STOX1: variants seen among roughly 807,000 people sequenced by gnomAD.
The protein encoded by STOX1 is storkhead box 1.
In STOX1, 57 loss-of-function variants were observed where a neutral mutation model predicts 74.8. That is an observed-to-expected ratio of 0.76 (90% confidence interval 0.62 to 0.95). The LOEUF (loss-of-function observed/expected upper bound fraction) is 0.95, where lower values mean the gene tolerates loss of function less well. Among genes scored for constraint, STOX1 ranks in the 40% least tolerant of loss-of-function variants. The probability of loss-of-function intolerance (pLI) is 0.00; values close to 1 mark genes in which losing one functional copy is unlikely to be tolerated. For synonymous variants in STOX1, 375 were observed against 401.3 expected (o/e 0.93, Z 0.78); for missense variants, 1,010 against 1,117.0 (o/e 0.90, Z 1.37).
At chr10:68,846,432 G>C (rs1480788887) in intron 1 of STOX1, among the ~76,000 whole-genome samples, 3 of 152,178 alleles carry the variant, frequency 2.0e-5, no homozygotes. Flanking sequence ...TTACAGGCAT[G>C]AGCTACCACT....
In STOX1 at chr10:68,885,626, T is replaced by C. The variant is rs1564588599; in HGVS notation, c.1830T>C (p.Tyr610=). ...AAAGCATGTTGAGATATGAAGTGTA[T>C]GGTGGAGAAAATGAGGTAATTCCTG... The part of the protein sequence containing the change: ...FMESMLRYEV[Y]GGENEVIPEV... Residue 610 remains tyrosine (Y), a synonymous_variant, in exon 3 of 4, where the codon TAT becomes TAC. Coordinates refer to ENST00000298596, the MANE Select transcript of STOX1 (RefSeq NM_152709.5). 3.1e-6 allele frequency: 5 copies of C among 1,614,170 alleles called. No individual in the cohort carries two copies. Among genetic ancestry groups the C allele is most frequent in the Non-Finnish European group, 4.2e-6 (5 of 1,180,032 alleles).
intron 1 of STOX1, among the ~76,000 whole-genome samples, chr10:68,844,507 C>CA (rs1345772519): frequency 6.6e-6 from 1 of 151,962 alleles, no homozygotes; most frequent in East Asian, 1.9e-4. Flanking sequence ...CCATGTTGGC[C>CA]AGGTTGGTCT....
chr10:68,883,345 AT>A (rs5785877), intron 2 of STOX1, among the ~76,000 whole-genome samples: 86,743 of 151,900 alleles, frequency 0.57, 26,015 homozygotes, highest in East Asian at 0.89. Flanking sequence ...GTGAATTCAG[AT>A]TTTTTTTGTC....
At chr10:68,895,175 G>A (rs536750620), downstream of STOX1, 1 of 152,334 alleles carries the variant, frequency 6.6e-6, no homozygotes, top group African/African-American at 2.4e-5. Context: ...TTAACTGGCT[G>A]GCTGAACTAC....
At chr10:68,831,313 G>A (rs1211510439) in intron 1 of STOX1, among the ~76,000 whole-genome samples, 1 of 151,894 alleles carries the variant, frequency 6.6e-6, no homozygotes, top group Non-Finnish European at 1.5e-5. Flanking sequence ...TCAGCATCCC[G>A]GTAGCTGGGA....
intron 1 of STOX1, among the ~76,000 whole-genome samples, chr10:68,843,757 C>T (rs1839755657): frequency 6.6e-6 from 1 of 152,124 alleles, no homozygotes; most frequent in African/African-American, 2.4e-5. Flanking sequence ...CAGAGTTTCA[C>T]CATGTTGGCC....
At chr10:68,840,077 A>T (rs531448592) in intron 1 of STOX1, among the ~76,000 whole-genome samples, 1 of 152,340 alleles carries the variant, frequency 6.6e-6, no homozygotes, top group East Asian at 1.9e-4. Context: ...CCGAGAACAC[A>T]CAATGGGGAC....
At chr10:68,851,307 A>AG (rs1839977288) in intron 1 of STOX1, among the ~76,000 whole-genome samples, 1 of 151,654 alleles carries the variant, frequency 6.6e-6, no homozygotes, top group African/African-American at 2.4e-5. Context: ...TCTAAAAAAA[A>AG]AAAAAAAAAG....
chr10:68,886,452 C>A lies in STOX1; in HGVS notation c.2656C>A (p.Gln886Lys). The A allele has an allele frequency of 1.9e-6, 3 of 1,614,124 alleles. No homozygotes were observed. Among genetic ancestry groups the A allele is most frequent in the South Asian group, 1.1e-5 (1 of 91,028 alleles). ...DTGKKPASWS[Q>K]SPQNQEMRKH... is the part of the protein sequence containing the mutation. ...AGGAAAGAAGCCAGCTAGCTGGAGT[C>A]AGAGTCCTCAGAATCAGGAAATGAG... is the stretch of plus-strand genomic sequence containing the variant. Residue 886 changes from glutamine to lysine, a missense_variant, in exon 3 of 4, where the codon CAG becomes AAG. Transcript: ENST00000298596.
intron 2 of STOX1, among the ~76,000 whole-genome samples, chr10:68,883,039 T>G (rs1461344576): frequency 6.6e-6 from 1 of 152,064 alleles, no homozygotes; most frequent in East Asian, 1.9e-4. Context: ...GGACCACAGG[T>G]GCGCACCACT....
chr10:68,827,584 C>T lies in STOX1; in HGVS notation c.-40C>T, dbSNP rs1220405808. 4 of 1,117,230 alleles carry T rather than the reference C, an allele frequency of 3.6e-6. No homozygotes were observed. Among genetic ancestry groups the T allele is most frequent in the Non-Finnish European group, 4.4e-6 (4 of 913,848 alleles). 69.2% of individuals were successfully genotyped at this position (1,117,230 alleles called of 1,614,324 possible). On this transcript the variant is annotated 5_prime_UTR_variant, in exon 1 of 4. Transcript: ENST00000298596. The stretch of plus-strand genomic sequence containing the variant: ...GCGGCGTCGTAGCCGCCGCGCTCGC[C>T]GAGGCCCTGCGTTGCGGGCTCCCGG...
chr10:68,857,287 A>C, intron 1 of STOX1, among the ~76,000 whole-genome samples: 1 of 152,028 alleles, frequency 6.6e-6, no homozygotes, highest in Non-Finnish European at 1.5e-5. Context: ...AGAAAAATGG[A>C]ATTTCTTTGT....
chr10:68,874,250 G>A (rs1840620891), intron 1 of STOX1, among the ~76,000 whole-genome samples: 1 of 151,846 alleles, frequency 6.6e-6, no homozygotes, highest in Non-Finnish European at 1.5e-5. Flanking sequence ...CTACTCTGAA[G>A]ACCCTCACCC....
At position 68,828,873 on chromosome 10, in the gene STOX1, A is replaced by T. The variant is rs143865986; in HGVS notation, c.310+940A>T. 308 of 634,702 alleles carry T rather than the reference A, an allele frequency of 4.9e-4. No individual in the cohort carries two copies. The African/African-American group carries it at 5.8e-3, about 12-fold the overall frequency. 39.3% of individuals were successfully genotyped at this position (634,702 alleles called of 1,614,324 possible). On this transcript the variant is annotated intron_variant, in intron 1 of 3. Coordinates refer to ENST00000298596, the MANE Select transcript of STOX1 (RefSeq NM_152709.5). The stretch of plus-strand genomic sequence containing the variant: ...GGATTCCACCTTCCCAGTCTTTTCA[A>T]ACTTAACTGTTTGTTAGACAACAGC...
Position 68,847,754 on chromosome 10 carries a change from A to G in STOX1, c.310+19821A>G, listed in dbSNP as rs192907550. ...TGTTTTGTTTTGTTTTTTGAGACGG[A>G]GTTTCGCTCTTGTTGCCCAGGCTGG... On this transcript the variant is annotated intron_variant, in intron 1 of 3. Transcript: ENST00000298596. 1.1e-3 allele frequency among the ~76,000 whole-genome samples: 152 copies of G among 143,054 alleles called. 1 individual carries two copies. Among genetic ancestry groups the G allele is most frequent in the Non-Finnish European group, 2.0e-3 (133 of 65,944 alleles). The allele number at this position is 143,054 out of a possible 152,430, so 93.8% of individuals were successfully genotyped here.
intron 1 of STOX1, among the ~76,000 whole-genome samples, chr10:68,879,623 A>T (rs1187059676): frequency 6.6e-6 from 1 of 152,178 alleles, no homozygotes; most frequent in Non-Finnish European, 1.5e-5. Flanking sequence ...CACAGCATCC[A>T]GTCATATTCA....
At chr10:68,888,020 C>T (rs1841005021) in intron 3 of STOX1, among the ~76,000 whole-genome samples, 1 of 152,014 alleles carries the variant, frequency 6.6e-6, no homozygotes, top group Non-Finnish European at 1.5e-5. Flanking sequence ...AACAATCTTA[C>T]TGGTTGAAAA....
At chr10:68,828,422 G>T (rs560894361) in intron 1 of STOX1, among the ~76,000 whole-genome samples, 2 of 152,124 alleles carry the variant, frequency 1.3e-5, no homozygotes, top group Admixed American at 6.5e-5. Flanking sequence ...CGGTCCGGGG[G>T]GCCAAGACGC....
intron 1 of STOX1, among the ~76,000 whole-genome samples, chr10:68,831,888 T>G (rs1324253647): frequency 6.6e-6 from 1 of 152,034 alleles, no homozygotes. Context: ...TAACTCTGTT[T>G]TTGTGCTCCA....
Sources: allele counts gnomAD v4.1 joint callset (sites outside exome capture counted in the v4.1 genomes callset), GRCh38; gene constraint gnomAD v4.1.1; transcripts MANE v1.5; gene names NCBI Gene and HGNC (gene_info 2026-07-23, HGNC 2026-07-21).